Variants in BCL2L13 observed in about 807,000 individuals in gnomAD.
The protein encoded by BCL2L13 is bcl-2-like protein 13.
In BCL2L13, 13 loss-of-function variants were observed where a neutral mutation model predicts 25.8. The ratio of observed to expected loss-of-function variants is 0.50; its 90% CI spans 0.33 to 0.80. The LOEUF is 0.80. BCL2L13 is among the 30% of genes least tolerant of loss of function. The pLI, the probability that BCL2L13 is intolerant of heterozygous loss-of-function variation, is 0.02. For missense variants in BCL2L13, 504 were observed against 574.9 expected (o/e 0.88, Z 1.26); for synonymous variants, 244 against 230.3 (o/e 1.06, Z -0.54).
At chr22:17,711,418 C>T (rs891514946) in intron 6 of BCL2L13, among the ~76,000 whole-genome samples, 1 of 150,638 alleles carries the variant, frequency 6.6e-6, no homozygotes, top group Non-Finnish European at 1.5e-5. Flanking sequence ...CCACCTCAGC[C>T]TCTTGAGTAG....
intron 6 of BCL2L13, among the ~76,000 whole-genome samples, chr22:17,720,135 C>T (rs77928871): frequency 0.025 from 2,239 of 88,364 alleles, 56 homozygotes; most frequent in African/African-American, 0.093. Context: ...AATGGTACAC[C>T]TAGAAATGGT....
chr22:17,696,806 T>C (rs902388257), intron 5 of BCL2L13, among the ~76,000 whole-genome samples: 3 of 152,138 alleles, frequency 2.0e-5, no homozygotes, highest in African/African-American at 7.2e-5. Context: ...GATTCTAGCG[T>C]CTGTTTTTTC....
chr22:17,720,888 C>T (rs183309399), intron 6 of BCL2L13, among the ~76,000 whole-genome samples: 39 of 151,084 alleles, frequency 2.6e-4, no homozygotes, highest in African/African-American at 6.5e-4. Context: ...AATAACAGGC[C>T]GGGCGCGGTG....
intron 1 of BCL2L13, 78 bp from the exon 2 acceptor site, chr22:17,655,584 A>G (rs1034229676): frequency 4.2e-6 from 5 of 1,203,542 alleles, no homozygotes; most frequent in Non-Finnish European, 5.7e-6. Context: ...GAGTTGCACA[A>G]GACATTTTGG....
At chr22:17,642,010 A>G (rs1289283682) in intron 1 of BCL2L13, among the ~76,000 whole-genome samples, 1 of 151,894 alleles carries the variant, frequency 6.6e-6, no homozygotes, top group Non-Finnish European at 1.5e-5. Flanking sequence ...TGTGTTAGCC[A>G]GGATGGTCTC....
chr22:17,685,028 C>T (rs2059881871), intron 3 of BCL2L13, among the ~76,000 whole-genome samples: 1 of 152,088 alleles, frequency 6.6e-6, no homozygotes, highest in Non-Finnish European at 1.5e-5. Context: ...AGCCACCACG[C>T]CCGGCCTGTA....
At chr22:17,684,918 G>T (rs1266070331) in intron 3 of BCL2L13, among the ~76,000 whole-genome samples, 1 of 152,102 alleles carries the variant, frequency 6.6e-6, no homozygotes, top group Non-Finnish European at 1.5e-5. Flanking sequence ...ATTTTTAGTA[G>T]AGACGGGGTT....
At chr22:17,682,740 G>T (rs900918509) in intron 2 of BCL2L13, among the ~76,000 whole-genome samples, 6 of 152,072 alleles carry the variant, frequency 3.9e-5, no homozygotes. Context: ...TCTACTAAAG[G>T]TTGTTTTTGA....
chr22:17,703,280 A>G (rs566559258), intron 6 of BCL2L13: 2 of 152,306 alleles, frequency 1.3e-5, no homozygotes, highest in East Asian at 3.9e-4. Context: ...GTACGTGTCC[A>G]TTTACATTTA....
rs752071646 is a variant in BCL2L13, at chr22:17,702,239, G to A, written c.457-4G>A. On this transcript the variant is annotated splice_polypyrimidine_tract_variant and splice_region_variant and intron_variant, in intron 5 of 6. Coordinates refer to ENST00000317582, the MANE Select transcript of BCL2L13 (RefSeq NM_015367.4). Reference sequence around the variant, plus strand: ...TTTTTTATTCTCTCATCTTTGCATTGAAGATTTTGGTGCCTCTGGTTTTGC... The same window carrying A: ...TTTTTTATTCTCTCATCTTTGCATTAAAGATTTTGGTGCCTCTGGTTTTGC... The A allele has an allele frequency of 1.9e-6, 3 of 1,594,300 alleles. No individual in the cohort carries two copies. In the East Asian group the frequency reaches 6.8e-5, roughly 36 times the overall value.
At chr22:17,691,449 A>G (rs2060101249) in intron 4 of BCL2L13, among the ~76,000 whole-genome samples, 1 of 152,174 alleles carries the variant, frequency 6.6e-6, no homozygotes, top group Non-Finnish European at 1.5e-5. Context: ...GATTGAGACC[A>G]TCCTGGCTAA....
intron 5 of BCL2L13, among the ~76,000 whole-genome samples, 157 bp downstream of exon 5, chr22:17,696,367 G>T (rs3816285): frequency 1.3e-5 from 2 of 152,160 alleles, no homozygotes; most frequent in East Asian, 3.8e-4. Context: ...CTGGTTTTTC[G>T]ATTAATGCTG....
At chr22:17,718,951 G>C (rs1381020273) in intron 6 of BCL2L13, among the ~76,000 whole-genome samples, 1 of 151,872 alleles carries the variant, frequency 6.6e-6, no homozygotes, top group Non-Finnish European at 1.5e-5. Context: ...TTGAGATCAG[G>C]AGTTCAAGAC....
At chr22:17,681,238 G>T (rs1259330961) in intron 2 of BCL2L13, among the ~76,000 whole-genome samples, 2 of 152,118 alleles carry the variant, frequency 1.3e-5, no homozygotes, top group East Asian at 3.9e-4. Context: ...TGGGCGCAGT[G>T]GCTCACACCT....
chr22:17,713,459 CA>C (rs2060818769), intron 6 of BCL2L13, among the ~76,000 whole-genome samples: 2 of 105,978 alleles, frequency 1.9e-5, no homozygotes, highest in Admixed American at 1.2e-4. Flanking sequence ...GTTGAAAATG[CA>C]TTTTTTTTTT....
chr22:17,651,071 G>T (rs955049818), intron 1 of BCL2L13, among the ~76,000 whole-genome samples: 1 of 138,070 alleles, frequency 7.2e-6, no homozygotes, highest in African/African-American at 2.8e-5. Flanking sequence ...TCGGCTCACT[G>T]CAACCTCTGC....
In BCL2L13 at chr22:17,720,577, C is replaced by G. The variant is rs182400022; in HGVS notation, c.601-6100C>G. Reference sequence around the variant, plus strand: ...ATGGGGTTTCTCCATGTTGATCAGGCTGGTCTCGAACTCCTGACCTCAGGC... The same window carrying G: ...ATGGGGTTTCTCCATGTTGATCAGGGTGGTCTCGAACTCCTGACCTCAGGC... On this transcript the variant is annotated intron_variant, in intron 6 of 6. Transcript: ENST00000317582. 6.8e-3 allele frequency among the ~76,000 whole-genome samples: 1,027 copies of G among 151,688 alleles called. 5 individuals carry two copies. The highest frequency in any genetic ancestry group is 0.011 in the Non-Finnish European group (745 of 67,918).
upstream of BCL2L13, among the ~76,000 whole-genome samples, chr22:17,636,415 C>T (rs2058107664): frequency 6.6e-6 from 1 of 151,798 alleles, no homozygotes; most frequent in Non-Finnish European, 1.5e-5. Context: ...AATTGTGAGC[C>T]CAGGAGGTCC....
Position 17,729,059 on chromosome 22 carries a change from TTTATC to T in BCL2L13, c.*1529_*1533del, listed in dbSNP as rs1288256808. 1 of 152,240 alleles carries T rather than the reference TTTATC, an allele frequency of 6.6e-6. No individual in the cohort carries two copies. The highest frequency in any genetic ancestry group is 1.5e-5 in the Non-Finnish European group (1 of 68,042). The allele number at this position is 152,240 out of a possible 1,614,324, so 9.4% of individuals were successfully genotyped here. A position where few individuals can be genotyped will look rare whatever the true frequency, so the allele number is the denominator to read the frequency against. Reference sequence around the variant, plus strand: ...CTTGGTTTAAAAAGGTCATCTTAGATTTATCTTAGTAAATGTAATAAATTATTTTT... The same window carrying T: ...CTTGGTTTAAAAAGGTCATCTTAGATTTAGTAAATGTAATAAATTATTTTT... On this transcript the variant is annotated 3_prime_UTR_variant, in exon 7 of 7. Transcript: ENST00000317582.
Sources: gnomAD v4.1 joint callset for allele counts (sites outside exome capture counted in the v4.1 genomes callset) on GRCh38, gnomAD v4.1.1 for gene constraint, MANE v1.5 for transcripts, NCBI Gene and HGNC (gene_info 2026-07-23, HGNC 2026-07-21) for gene names.